Variants in SLC22A4 observed in about 807,000 individuals in gnomAD.
SLC22A4 encodes the protein solute carrier family 22 member 4, also known as ET transporter.
In SLC22A4, 39 loss-of-function variants were observed where a neutral mutation model predicts 56.6. The ratio of observed to expected loss-of-function variants is 0.69; its 90% CI spans 0.53 to 0.90. SLC22A4 has a LOEUF of 0.90. Ranked by LOEUF, SLC22A4 falls within the 40% of genes least tolerant of loss-of-function variation. The pLI, the probability that SLC22A4 is intolerant of heterozygous loss-of-function variation, is 0.00. For synonymous variants in SLC22A4, 241 were observed against 281.4 expected (o/e 0.86, Z 1.44); for missense variants, 594 against 696.5 (o/e 0.85, Z 1.66).
chr5:132,294,853 C>T lies in SLC22A4; in HGVS notation c.237C>T (p.His79=). The change falls in exon 1 of 10, where the codon CAC becomes CAT. Residue 79 remains histidine, a synonymous_variant. Transcript: ENST00000200652. The surrounding 1 kb of genome is among the most constrained non-coding windows in gnomAD (Gnocchi z 5.6). ...LRLRDGREVP[H]SCSRYRLATI... ...TGCGGGACGGCCGCGAGGTGCCCCA[C>T]AGCTGCAGCCGCTACCGGCTCGCCA... is the stretch of plus-strand genomic sequence containing the variant. The T allele has an allele frequency of 6.2e-7, 1 of 1,608,492 alleles. No individual in the cohort carries two copies.
At chr5:132,301,087 C>T (rs990500505) in intron 1 of SLC22A4, among the ~76,000 whole-genome samples, 4 of 152,250 alleles carry the variant, frequency 2.6e-5, no homozygotes, top group South Asian at 2.1e-4. Flanking sequence ...ATGCTCTGCT[C>T]TGGAGAGGGC....
chr5:132,329,580 C>G (rs773968498), intron 5 of SLC22A4, among the ~76,000 whole-genome samples: 10 of 152,006 alleles, frequency 6.6e-5, no homozygotes, highest in African/African-American at 9.7e-5. Context: ...CTCCCAGGCA[C>G]CAAAGTACAT....
chr5:132,340,489 C>A, intron 8 of SLC22A4, 76 bp from the exon 9 acceptor site: 1 of 1,392,894 alleles, frequency 7.2e-7, no homozygotes, highest in Non-Finnish European at 1.0e-6. Flanking sequence ...TGTTCACCAA[C>A]TTCACAAAAT....
At chr5:132,318,661 T>G (rs1265778556) in intron 3 of SLC22A4, among the ~76,000 whole-genome samples, 2 of 151,538 alleles carry the variant, frequency 1.3e-5, no homozygotes, top group Non-Finnish European at 2.9e-5. Context: ...TTGGAGAGAG[T>G]GCTCAGATTC....
At chr5:132,338,016 A>G (rs1283515715) in intron 8 of SLC22A4, among the ~76,000 whole-genome samples, 1 of 151,940 alleles carries the variant, frequency 6.6e-6, no homozygotes, top group East Asian at 1.9e-4. Flanking sequence ...AAGTGCTGGG[A>G]TAACAGACAT....
chr5:132,342,462 A>G (rs569256732), intron 9 of SLC22A4, among the ~76,000 whole-genome samples: 1 of 152,222 alleles, frequency 6.6e-6, no homozygotes, highest in Non-Finnish European at 1.5e-5. Context: ...GACGCAAACC[A>G]ATTCTGACAC....
Position 132,313,630 on chromosome 5 carries a change from G to GC in SLC22A4, c.514_515insC (p.Val172AlafsTer108), listed in dbSNP as rs1561538609. On this transcript the variant is annotated frameshift_variant, in exon 3 of 10. Transcript: ENST00000200652. LOFTEE classifies it high-confidence loss of function. ...ATTCTCTAGGTTTGGCAGGAAGAACGTTCTCTTCGCAACCATGGCTGTACA... is the reference window on the plus strand; with the variant it reads ...ATTCTCTAGGTTTGGCAGGAAGAACGCTTCTCTTCGCAACCATGGCTGTACA... The GC allele has an allele frequency of 6.2e-7, 1 of 1,614,226 alleles. No individual in the cohort carries two copies. The highest frequency in any genetic ancestry group is 2.2e-5 in the East Asian group (1 of 44,890).
At chr5:132,312,033 A>G in intron 1 of SLC22A4, 128 bp from the exon 2 acceptor site, 1 of 775,056 alleles carries the variant, frequency 1.3e-6, no homozygotes, top group Non-Finnish European at 2.4e-6. Flanking sequence ...CCCTTTGTAC[A>G]AAGGCAATAT....
chr5:132,308,116 G>A (rs901440985), intron 1 of SLC22A4, among the ~76,000 whole-genome samples: 1 of 152,190 alleles, frequency 6.6e-6, no homozygotes, highest in African/African-American at 2.4e-5. Flanking sequence ...TTAGAACTCT[G>A]TCCTTCTGCT....
At chr5:132,309,125 G>A (rs1736781889) in intron 1 of SLC22A4, among the ~76,000 whole-genome samples, 1 of 152,210 alleles carries the variant, frequency 6.6e-6, no homozygotes, top group Non-Finnish European at 1.5e-5. Context: ...GGCAGGGCCG[G>A]TTTCCTAAGA....
intron 3 of SLC22A4, among the ~76,000 whole-genome samples, chr5:132,316,102 G>A (rs1389945618): frequency 1.3e-5 from 2 of 152,178 alleles, no homozygotes; most frequent in Non-Finnish European, 2.9e-5. Flanking sequence ...GAGTTTGGTA[G>A]GTGCCTTCGC....
At chr5:132,342,804 G>A (rs1005535771) in intron 9 of SLC22A4, among the ~76,000 whole-genome samples, 2 of 152,280 alleles carry the variant, frequency 1.3e-5, no homozygotes, top group Admixed American at 1.3e-4. Flanking sequence ...CAGAGGTTCT[G>A]TCCCTACGGA....
At position 132,294,850 on chromosome 5, in the gene SLC22A4, C is replaced by T. The variant is rs1309791031; in HGVS notation, c.234C>T (p.Pro78=). The T allele has an allele frequency of 3.1e-6, 5 of 1,609,084 alleles. No individual in the cohort carries two copies. The highest frequency in any genetic ancestry group is 3.4e-5 in the Admixed American group (2 of 59,680). The change falls in exon 1 of 10, where the codon CCC becomes CCT. Residue 78 remains proline (P), a synonymous_variant. Coordinates refer to ENST00000200652, the MANE Select transcript of SLC22A4 (RefSeq NM_003059.3). The surrounding 1 kb of genome is among the most constrained non-coding windows in gnomAD (Gnocchi z 5.6). The part of the protein sequence containing the change: ...PLRLRDGREV[P]HSCSRYRLAT... Reference sequence around the variant, plus strand: ...GGCTGCGGGACGGCCGCGAGGTGCCCCACAGCTGCAGCCGCTACCGGCTCG... The same window carrying T: ...GGCTGCGGGACGGCCGCGAGGTGCCTCACAGCTGCAGCCGCTACCGGCTCG...
At chr5:132,335,585 A>C (rs1750996996) in intron 7 of SLC22A4, among the ~76,000 whole-genome samples, 1 of 152,236 alleles carries the variant, frequency 6.6e-6, no homozygotes, top group African/African-American at 2.4e-5. Flanking sequence ...AGGTCACTGA[A>C]TGCATTAATG....
intron 1 of SLC22A4, among the ~76,000 whole-genome samples, chr5:132,307,316 A>G (rs1350221547): frequency 6.6e-6 from 1 of 152,212 alleles, no homozygotes; most frequent in Non-Finnish European, 1.5e-5. Context: ...CTATGAGAGG[A>G]TACTATAGAA....
At chr5:132,304,712 AC>A (rs1330343089) in intron 1 of SLC22A4, among the ~76,000 whole-genome samples, 8 of 152,216 alleles carry the variant, frequency 5.3e-5, no homozygotes, top group African/African-American at 1.4e-4. Context: ...CCAGTTTTTA[AC>A]CAGAAATTAC....
rs1429665106 is a variant in SLC22A4 at position 132,294,930 on chromosome 5, T to C, written c.314T>C (p.Leu105Pro). 4.4e-6 allele frequency: 7 copies of C among 1,600,350 alleles called. No homozygotes were observed. Among genetic ancestry groups the C allele is most frequent in the Non-Finnish European group, 5.1e-6 (6 of 1,174,254 alleles). The change falls in exon 1 of 10, where the codon CTG (leucine) becomes CCG (proline). Residue 105 changes from leucine (L) to proline (P), a missense_variant. Leu to Pro is a moderately conservative substitution (Grantham distance 98). Coordinates refer to ENST00000200652, the MANE Select transcript of SLC22A4 (RefSeq NM_003059.3). The surrounding 1 kb of genome is among the most constrained non-coding windows in gnomAD (Gnocchi z 5.6). ...LGLEPGRDVD[L>P]GQLEQESCLD... ...CTGGAGCCGGGGCGCGACGTGGACCTGGGGCAGCTGGAGCAGGAGAGCTGC... is the reference window on the plus strand; with the variant it reads ...CTGGAGCCGGGGCGCGACGTGGACCCGGGGCAGCTGGAGCAGGAGAGCTGC...
At chr5:132,316,683 G>A (rs1424338084) in intron 3 of SLC22A4, among the ~76,000 whole-genome samples, 1 of 152,162 alleles carries the variant, frequency 6.6e-6, no homozygotes, top group Non-Finnish European at 1.5e-5. Context: ...GATGTCTAGA[G>A]GTTCCTCCTT....
At chr5:132,305,367 C>A (rs541754037) in intron 1 of SLC22A4, among the ~76,000 whole-genome samples, 24 of 151,992 alleles carry the variant, frequency 1.6e-4, no homozygotes, top group Non-Finnish European at 3.1e-4. Flanking sequence ...AGAAAAAATG[C>A]TCAAAGAAAT....
Sources: gnomAD v4.1 joint callset for allele counts (sites outside exome capture counted in the v4.1 genomes callset) on GRCh38, gnomAD v4.1.1 for gene constraint, Gnocchi (gnomAD v3.1) non-coding constraint, MANE v1.5 for transcripts, NCBI Gene and HGNC (gene_info 2026-07-23, HGNC 2026-07-21) for gene names.